Variants in RNF175 observed in about 807,000 individuals in gnomAD.
RNF175 encodes the protein ring finger protein 175.
Under a neutral mutation model 50.0 loss-of-function variants are expected in RNF175, and 38 were observed. That is an observed-to-expected ratio of 0.76 (90% CI 0.59 to 1.00). The LOEUF (loss-of-function observed/expected upper bound fraction) is 1.00, where lower values mean the gene tolerates loss of function less well. Ranked by LOEUF, RNF175 falls within the 50% of genes least tolerant of loss-of-function variation. The pLI is 0.00. For missense variants in RNF175, 388 were observed against 409.6 expected, an observed-to-expected ratio of 0.95 and a Z score of 0.46; for synonymous variants, 155 against 146.1, an observed-to-expected ratio of 1.06 and a Z score of -0.44.
chr4:153,746,793 A>G (rs1579093358), intron 3 of RNF175, among the ~76,000 whole-genome samples: 1 of 152,222 alleles, frequency 6.6e-6, no homozygotes, highest in African/African-American at 2.4e-5. Flanking sequence ...GCTCTGCCCC[A>G]AGACAAGTTT....
chr4:153,715,762 G>A, intron 6 of RNF175, 100 bp from the exon 7 acceptor site: 6 of 1,287,826 alleles, frequency 4.7e-6, no homozygotes, highest in Non-Finnish European at 6.4e-6. Flanking sequence ...GCAGCCCTTG[G>A]CACATAGAAT....
chr4:153,722,778 A>C (rs1394720085), intron 5 of RNF175, among the ~76,000 whole-genome samples: 33 of 151,278 alleles, frequency 2.2e-4, no homozygotes, highest in Admixed American at 2.2e-3. Flanking sequence ...AAAAAAAAAA[A>C]ACACAACAAA....
chr4:153,714,058 TA>T (rs1216599327), intron 7 of RNF175: 1 of 152,202 alleles, frequency 6.6e-6, no homozygotes, highest in Non-Finnish European at 1.5e-5. Context: ...GGGCCATTAA[TA>T]ATACTCCCTG....
chr4:153,725,646 A>G (rs543569650), intron 4 of RNF175, among the ~76,000 whole-genome samples: 1 of 152,210 alleles, frequency 6.6e-6, no homozygotes, highest in African/African-American at 2.4e-5. Context: ...GGTCTGATCC[A>G]AGGCTTTGCT....
At chr4:153,741,001 A>G (rs1739626213) in intron 3 of RNF175, among the ~76,000 whole-genome samples, 1 of 152,150 alleles carries the variant, frequency 6.6e-6, no homozygotes, top group Non-Finnish European at 1.5e-5. Flanking sequence ...TCTTATATAG[A>G]GTCTAAGCCT....
intron 3 of RNF175, among the ~76,000 whole-genome samples, chr4:153,746,682 C>T (rs1326422204): frequency 6.6e-6 from 1 of 152,188 alleles, no homozygotes; most frequent in East Asian, 1.9e-4. Context: ...TGGGGGCATC[C>T]CCACCCCGAA....
Position 153,710,406 on chromosome 4 carries a change from A to G in RNF175, c.950T>C (p.Ile317Thr). The G allele has an allele frequency of 1.9e-6, 3 of 1,570,758 alleles. No homozygotes were observed. The highest frequency in any genetic ancestry group is 2.6e-6 in the Non-Finnish European group (3 of 1,156,020). The change falls in exon 9 of 9, where the codon ATA (isoleucine) becomes ACA (threonine). Residue 317 changes from isoleucine to threonine, a missense_variant. By Grantham distance (89) the Ile-to-Thr change is moderately conservative. Coordinates refer to ENST00000347063, the MANE Select transcript of RNF175 (RefSeq NM_173662.4). ...LVAWQPVVIG[I>T]VQGIIYSLGL... is the part of the protein sequence containing the mutation. Reference sequence around the variant, plus strand: ...TAGTGAATAGATAATGCCTTGAACTATTCCTATCACCACAGGTTGCCAGGC... The same window carrying G: ...TAGTGAATAGATAATGCCTTGAACTGTTCCTATCACCACAGGTTGCCAGGC...
chr4:153,759,518 C>A (rs1228432041), intron 1 of RNF175, among the ~76,000 whole-genome samples: 1 of 151,524 alleles, frequency 6.6e-6, no homozygotes, highest in Admixed American at 6.6e-5. Flanking sequence ...TGCGAGGATG[C>A]GAGAAGAGGG....
chr4:153,742,762 C>G (rs1038626283), intron 3 of RNF175, among the ~76,000 whole-genome samples: 7 of 151,338 alleles, frequency 4.6e-5, no homozygotes, highest in African/African-American at 1.7e-4. Context: ...ACAGAAAGCA[C>G]TTATCATAGC....
At chr4:153,715,411 T>G (rs1398912265) in intron 7 of RNF175, 118 bp downstream of exon 7, 1 of 935,460 alleles carries the variant, frequency 1.1e-6, no homozygotes, top group Non-Finnish European at 1.7e-6. Context: ...GATAAAGGAC[T>G]GGGGTTTGGG....
At chr4:153,738,479 C>T (rs1739469787) in intron 3 of RNF175, among the ~76,000 whole-genome samples, 2 of 152,114 alleles carry the variant, frequency 1.3e-5, no homozygotes, top group Non-Finnish European at 2.9e-5. Flanking sequence ...GCCACTGTGC[C>T]AAGCCAAATG....
At chr4:153,743,606 A>C (rs978202692) in intron 3 of RNF175, among the ~76,000 whole-genome samples, 3 of 152,170 alleles carry the variant, frequency 2.0e-5, no homozygotes, top group African/African-American at 7.2e-5. Context: ...CACCATGATC[A>C]TTATCATCAT....
chr4:153,715,562 A>G lies in RNF175; in HGVS notation c.731T>C (p.Ile244Thr), dbSNP rs1002295881. ...ACAGGAAAGCTGGTAGGTGTTTTCA[A>G]TGAGCCCTTCTTCATCAAGCTCCAC... Reference protein sequence around the residue: ...IIVELDEEGLIENTYQLSCNH... With the variant: ...IIVELDEEGLTENTYQLSCNH... The change falls in exon 7 of 9, where the codon ATT (isoleucine) becomes ACT (threonine). Residue 244 changes from isoleucine to threonine, a missense_variant. Physicochemically the swap from Ile to Thr is moderately conservative, Grantham distance 89. Transcript: ENST00000347063. 30 of 1,610,632 alleles carry G rather than the reference A, an allele frequency of 1.9e-5. No individual in the cohort carries two copies. The highest frequency in any genetic ancestry group is 1.6e-4 in the Middle Eastern group (1 of 6,082).
intron 2 of RNF175, 131 bp from the exon 3 acceptor site, chr4:153,748,917 A>AT: frequency 5.1e-6 from 4 of 790,656 alleles, no homozygotes; most frequent in Non-Finnish European, 7.8e-6. Context: ...GATTTCAAAT[A>AT]TAAGGGTTGG....
intron 3 of RNF175, among the ~76,000 whole-genome samples, chr4:153,730,449 C>T (rs1056298540): frequency 6.6e-6 from 1 of 151,864 alleles, no homozygotes; most frequent in Non-Finnish European, 1.5e-5. Context: ...AAGTGGGTAG[C>T]ACCTTAACAA....
At chr4:153,727,304 G>A (rs1348678472) in intron 4 of RNF175, among the ~76,000 whole-genome samples, 1 of 152,046 alleles carries the variant, frequency 6.6e-6, no homozygotes, top group Non-Finnish European at 1.5e-5. Flanking sequence ...TTCCTCTTTA[G>A]TTTAGTGGAA....
At chr4:153,748,486 A>C (rs1047411314) in intron 3 of RNF175, 159 bp downstream of exon 3, 1 of 582,696 alleles carries the variant, frequency 1.7e-6, no homozygotes, top group South Asian at 3.6e-5. Flanking sequence ...GACATTGCCA[A>C]ATGTCTCCTG....
At chr4:153,756,295 T>C (rs1740559932) in intron 1 of RNF175, among the ~76,000 whole-genome samples, 1 of 152,220 alleles carries the variant, frequency 6.6e-6, no homozygotes, top group African/African-American at 2.4e-5. Flanking sequence ...GAGCTCCAGA[T>C]GCTTCTGAAT....
intron 3 of RNF175, among the ~76,000 whole-genome samples, chr4:153,738,501 C>T (rs190419470): frequency 1.8e-4 from 27 of 152,138 alleles, no homozygotes; most frequent in Non-Finnish European, 3.5e-4. Flanking sequence ...CCTTTCTTAT[C>T]CCTGATAATT....
Sources: allele counts gnomAD v4.1 joint callset (sites outside exome capture counted in the v4.1 genomes callset), GRCh38; gene constraint gnomAD v4.1.1; transcripts MANE v1.5; gene names NCBI Gene and HGNC (gene_info 2026-07-23, HGNC 2026-07-21).